The following ANKRD27 variants were observed in gnomAD, a reference collection of about 807,000 sequenced individuals.
The protein encoded by ANKRD27 is ankyrin repeat domain-containing protein 27.
A neutral mutation model predicts 129.7 loss-of-function variants in ANKRD27; 112 were observed. The ratio of observed to expected loss-of-function variants is 0.86; its 90% confidence interval spans 0.74 to 1.01. ANKRD27 has a LOEUF of 1.01. ANKRD27 is among the 50% of genes least tolerant of loss of function. The pLI, the probability that ANKRD27 is intolerant of heterozygous loss-of-function variation, is 0.00. For synonymous variants in ANKRD27, 516 were observed against 511.2 expected (o/e 1.01, Z -0.13); for missense variants, 1,258 against 1,300.5 (o/e 0.97, Z 0.50).
At chr19:32,631,573 C>T in intron 12 of ANKRD27, 79 bp from the exon 13 acceptor site, 1 of 1,162,426 alleles carries the variant, frequency 8.6e-7, no homozygotes, top group South Asian at 1.2e-5. Context: ...ACAACCCCGG[C>T]TGTCTCTTCA....
intron 12 of ANKRD27, among the ~76,000 whole-genome samples, chr19:32,634,177 G>C (rs1483332614): frequency 6.6e-6 from 1 of 152,190 alleles, no homozygotes; most frequent in African/African-American, 2.4e-5. Context: ...CTTCTGCTGT[G>C]AGGAGATACA....
intron 17 of ANKRD27, among the ~76,000 whole-genome samples, chr19:32,625,418 A>G (rs1972073475): frequency 6.7e-6 from 1 of 148,562 alleles, no homozygotes; most frequent in African/African-American, 2.5e-5. Context: ...TGGCATCTGT[A>G]ATATATTAAA....
rs1334618875 is a variant in ANKRD27, at chr19:32,643,430, C to A, written c.639+1G>T. 6.2e-7 allele frequency: 1 copy of A among 1,613,888 alleles called. No homozygotes were observed. The highest frequency in any genetic ancestry group is 8.5e-7 in the Non-Finnish European group (1 of 1,180,000). On this transcript the variant is annotated splice_donor_variant, in intron 7 of 28. Transcript: ENST00000306065. LOFTEE classifies it high-confidence loss of function. ...TCCCAGCCACTCCGCCCCACCCTCA[C>A]CTCCACTGCCTGCTTCATCAGGTTC...
chr19:32,611,732 C>G (rs10405700), intron 22 of ANKRD27, among the ~76,000 whole-genome samples: 88,728 of 151,880 alleles, frequency 0.58, 27,035 homozygotes, highest in Non-Finnish European at 0.69. Flanking sequence ...CAGGCATGCA[C>G]CACCACGGCC....
In ANKRD27 at chr19:32,639,495, AAAGG is replaced by A; in HGVS notation, c.984-11_984-8del. 2.5e-6 allele frequency: 4 copies of A among 1,610,832 alleles called. No individual in the cohort carries two copies. The Middle Eastern group carries it at 5.0e-4, about 200-fold the overall frequency. On this transcript the variant is annotated splice_polypyrimidine_tract_variant and splice_region_variant and intron_variant, in intron 11 of 28. Transcript: ENST00000306065. ...GTAACTCAAATTTGCCATCCTAATGAAAGGAAGAAAAAAGTTATGTTGTTGTCTA... is the reference window on the plus strand; with the variant it reads ...GTAACTCAAATTTGCCATCCTAATGAAAGAAAAAAGTTATGTTGTTGTCTA...
At chr19:32,666,552 C>T (rs1042255860) in intron 1 of ANKRD27, 1 of 152,154 alleles carries the variant, frequency 6.6e-6, no homozygotes, top group Non-Finnish European at 1.5e-5. Flanking sequence ...TATAGCTGCT[C>T]CTCATCACCC....
chr19:32,674,214 G>A (rs1447700916), intron 1 of ANKRD27, among the ~76,000 whole-genome samples: 1 of 152,068 alleles, frequency 6.6e-6, no homozygotes, highest in African/African-American at 2.4e-5. Flanking sequence ...TCTACTCTTC[G>A]GCCAGTGGGA....
intron 2 of ANKRD27, among the ~76,000 whole-genome samples, chr19:32,652,756 T>C (rs571922339): frequency 2.6e-5 from 4 of 151,504 alleles, no homozygotes; most frequent in South Asian, 4.2e-4. Context: ...GGCAAAACCC[T>C]GTCTCTACAA....
chr19:32,625,209 T>G (rs1972070709), intron 17 of ANKRD27, among the ~76,000 whole-genome samples: 1 of 152,050 alleles, frequency 6.6e-6, no homozygotes, highest in African/African-American at 2.4e-5. Flanking sequence ...TGAGTCAAGA[T>G]CCCATCGTTG....
chr19:32,598,334 A>G lies in ANKRD27; in HGVS notation c.2964T>C (p.Ala988=). The G allele has an allele frequency of 6.2e-7, 1 of 1,614,142 alleles. No homozygotes were observed. Among genetic ancestry groups the G allele is most frequent in the Non-Finnish European group, 8.5e-7 (1 of 1,180,030 alleles). The change falls in exon 29 of 29, where the codon GCT becomes GCC. Residue 988 remains alanine (A), a synonymous_variant. Coordinates refer to ENST00000306065, the MANE Select transcript of ANKRD27 (RefSeq NM_032139.3). The part of the protein sequence containing the change: ...SVTLRQNNLP[A]QSGSHAAEKG... ...TCTCAGCAGCATGAGATCCACTCTGAGCTGGCAGGTTATTCTGTCTCAGTG... is the reference window on the plus strand; with the variant it reads ...TCTCAGCAGCATGAGATCCACTCTGGGCTGGCAGGTTATTCTGTCTCAGTG...
At chr19:32,626,344 A>T (rs1428617901) in intron 16 of ANKRD27, among the ~76,000 whole-genome samples, 4 of 151,990 alleles carry the variant, frequency 2.6e-5, no homozygotes, top group Admixed American at 6.6e-5. Flanking sequence ...ATTTTAAAAA[A>T]ATATTTTTTG....
At chr19:32,609,831 TTATAATGTA>T (rs1971807434) in intron 22 of ANKRD27, among the ~76,000 whole-genome samples, 1 of 95,144 alleles carries the variant, frequency 1.1e-5, no homozygotes, top group Non-Finnish European at 2.9e-5. Context: ...ATTATATAAA[TTATAATGTA>T]TATAATTATA....
intron 1 of ANKRD27, among the ~76,000 whole-genome samples, chr19:32,660,952 C>T (rs1967632421): frequency 6.7e-6 from 1 of 149,702 alleles, no homozygotes; most frequent in South Asian, 2.1e-4. Context: ...AATCACAGCA[C>T]CTGGGGAGGA....
intron 1 of ANKRD27, among the ~76,000 whole-genome samples, chr19:32,660,509 C>A (rs577120442): frequency 1.3e-5 from 2 of 152,040 alleles, no homozygotes; most frequent in African/African-American, 4.8e-5. Context: ...TAAAGCGAGA[C>A]TCCGTTTCAA....
intron 2 of ANKRD27, among the ~76,000 whole-genome samples, chr19:32,652,753 C>A (rs1454559121): frequency 6.6e-6 from 1 of 151,934 alleles, no homozygotes; most frequent in Non-Finnish European, 1.5e-5. Context: ...CAGGGCAAAA[C>A]CCTGTCTCTA....
At chr19:32,620,280 C>T (rs1028033926) in intron 18 of ANKRD27, among the ~76,000 whole-genome samples, 1 of 151,816 alleles carries the variant, frequency 6.6e-6, no homozygotes, top group Non-Finnish European at 1.5e-5. Flanking sequence ...AGAGGGAAGC[C>T]GGGCGAGATG....
At chr19:32,656,201 T>C (rs1568417962) in intron 2 of ANKRD27, among the ~76,000 whole-genome samples, 1 of 152,046 alleles carries the variant, frequency 6.6e-6, no homozygotes, top group Non-Finnish European at 1.5e-5. Flanking sequence ...AAGATAGAGC[T>C]TCCCCAAAGA....
intron 1 of ANKRD27, among the ~76,000 whole-genome samples, chr19:32,660,517 C>CA (rs1206599217): frequency 0.012 from 1,872 of 151,690 alleles, 52 homozygotes; most frequent in African/African-American, 0.043. Context: ...GACTCCGTTT[C>CA]AAAAAAAAGA....
At chr19:32,602,168 T>C in intron 25 of ANKRD27, 42 bp from the exon 26 acceptor site, 1 of 1,229,966 alleles carries the variant, frequency 8.1e-7, no homozygotes, top group South Asian at 1.2e-5. Context: ...GTTTTTATTC[T>C]TTTTTAATAG....
Sources: gnomAD v4.1 joint callset for allele counts (sites outside exome capture counted in the v4.1 genomes callset) on GRCh38, gnomAD v4.1.1 for gene constraint, MANE v1.5 for transcripts, NCBI Gene and HGNC (gene_info 2026-07-23, HGNC 2026-07-21) for gene names.